CCDC138: variants seen among roughly 807,000 people sequenced by gnomAD.
CCDC138 encodes coiled-coil domain-containing protein 138.
In CCDC138, 66 loss-of-function variants were observed where a neutral mutation model predicts 82.3. The observed-to-expected ratio is 0.80, with a 90% CI of 0.66 to 0.98. The LOEUF (loss-of-function observed/expected upper bound fraction) is 0.98. Among genes scored for constraint, CCDC138 ranks in the 50% least tolerant of loss-of-function variants. The pLI is 0.00. For missense variants in CCDC138, 816 were observed against 758.9 expected (o/e 1.08, Z -0.88); for synonymous variants, 297 against 265.4 (o/e 1.12, Z -1.16).
In CCDC138 at chr2:108,796,090, C is replaced by T. The variant is rs186115999; in HGVS notation, c.576+1369C>T. ...TTTGAGACGGAGTCTCACTCTGTGC[C>T]CAGGCTGGAGTGCAGTGGCGCAATC... On this transcript the variant is annotated intron_variant, in intron 5 of 14. Transcript: ENST00000295124. Among the ~76,000 whole-genome samples, 181 of 152,210 alleles carry T rather than the reference C, an allele frequency of 1.2e-3. 1 individual carries two copies. The highest frequency in any genetic ancestry group is 4.2e-3 in the African/African-American group (173 of 41,526).
intron 10 of CCDC138, among the ~76,000 whole-genome samples, chr2:108,835,942 G>A (rs568997709): frequency 2.5e-4 from 38 of 152,128 alleles, no homozygotes; most frequent in Non-Finnish European, 5.1e-4. Flanking sequence ...CAGGATGAAC[G>A]TTGTGTGCCC....
At position 108,839,179 on chromosome 2, in the gene CCDC138, C is replaced by A; in HGVS notation, c.1207-6C>A. ...TTGTATTTATTTTCCATCATTTTAT[C>A]TTTAGCTTTTGCCTCTAATGACAGA... is the stretch of plus-strand genomic sequence containing the variant. On this transcript the variant is annotated splice_region_variant and splice_polypyrimidine_tract_variant and intron_variant, in intron 10 of 14. Coordinates refer to ENST00000295124, the MANE Select transcript of CCDC138 (RefSeq NM_144978.3). The A allele has an allele frequency of 6.3e-7, 1 of 1,597,258 alleles. No homozygotes were observed. The highest frequency in any genetic ancestry group is 8.5e-7 in the Non-Finnish European group (1 of 1,172,540).
chr2:108,804,712 G>C (rs1425239412), intron 6 of CCDC138, 177 bp from the exon 7 acceptor site: 1 of 174,902 alleles, frequency 5.7e-6, no homozygotes, highest in Non-Finnish European at 1.1e-5. Flanking sequence ...TTGTTATCTT[G>C]GTAGATTGCA....
chr2:108,795,526 C>T (rs1349475357), intron 5 of CCDC138, among the ~76,000 whole-genome samples: 1 of 152,170 alleles, frequency 6.6e-6, no homozygotes, highest in Non-Finnish European at 1.5e-5. Flanking sequence ...ATGTAATGCG[C>T]AGTATCTGTT....
chr2:108,811,350 C>T (rs1291121416), intron 7 of CCDC138, among the ~76,000 whole-genome samples: 5 of 145,022 alleles, frequency 3.4e-5, no homozygotes, highest in South Asian at 2.3e-4. Context: ...GCTTAAACCA[C>T]GCTTCTGCTT....
Position 108,876,152 on chromosome 2 carries a change from A to G in CCDC138, c.1897A>G (p.Thr633Ala), listed in dbSNP as rs371895720. 3.0e-5 allele frequency: 48 copies of G among 1,612,042 alleles called. No homozygotes were observed. Among genetic ancestry groups the G allele is most frequent in the Non-Finnish European group, 4.1e-5 (48 of 1,178,374 alleles). The change falls in exon 15 of 15, where the codon ACA becomes GCA. Residue 633 changes from threonine (T) to alanine (A), a missense_variant. Coordinates refer to ENST00000295124, the MANE Select transcript of CCDC138 (RefSeq NM_144978.3). ...HLMLQEIQRTTNPEHAFLCIN... is the reference protein window; with the variant it reads ...HLMLQEIQRTANPEHAFLCIN... Reference sequence around the variant, plus strand: ...GATGCTTCAAGAAATACAAAGGACAACAAACCCAGAGCATGCATTTCTCTG... The same window carrying G: ...GATGCTTCAAGAAATACAAAGGACAGCAAACCCAGAGCATGCATTTCTCTG...
intron 13 of CCDC138, among the ~76,000 whole-genome samples, chr2:108,868,041 C>T (rs888289020): frequency 1.1e-4 from 16 of 152,124 alleles, no homozygotes; most frequent in Non-Finnish European, 2.4e-4. Context: ...AGTCAGTTAT[C>T]GACAGGCTGA....
At chr2:108,821,551 A>G (rs895235568) in intron 10 of CCDC138, among the ~76,000 whole-genome samples, 1 of 152,234 alleles carries the variant, frequency 6.6e-6, no homozygotes, top group Non-Finnish European at 1.5e-5. Context: ...TAAGTGTGTA[A>G]CACACACAAA....
intron 6 of CCDC138, among the ~76,000 whole-genome samples, chr2:108,800,999 T>A (rs1306886212): frequency 5.4e-5 from 3 of 56,002 alleles, no homozygotes; most frequent in Admixed American, 2.3e-4. Flanking sequence ...GGTATATATG[T>A]GCCACATTTT....
chr2:108,854,648 C>G (rs1692308003), intron 12 of CCDC138, among the ~76,000 whole-genome samples: 1 of 152,136 alleles, frequency 6.6e-6, no homozygotes, highest in South Asian at 2.1e-4. Flanking sequence ...TATTTACCAG[C>G]TCACAATTCT....
At chr2:108,875,372 A>G (rs989610310) in intron 14 of CCDC138, among the ~76,000 whole-genome samples, 2 of 151,788 alleles carry the variant, frequency 1.3e-5, no homozygotes, top group African/African-American at 4.8e-5. Context: ...GAAATTACTG[A>G]CAGGTTATTA....
At chr2:108,867,043 T>C (rs1320958638) in intron 13 of CCDC138, among the ~76,000 whole-genome samples, 1 of 152,134 alleles carries the variant, frequency 6.6e-6, no homozygotes, top group Non-Finnish European at 1.5e-5. Context: ...AAAGGGGAAT[T>C]ATAAAATATT....
chr2:108,882,132 C>G (rs1192538907), intron 1 of CCDC138: 1 of 142,274 alleles, frequency 7.0e-6, no homozygotes, highest in African/African-American at 2.6e-5. Context: ...CCGGTCTGGG[C>G]AACAGAGTGA....
At chr2:108,867,030 A>G (rs1300250458) in intron 13 of CCDC138, among the ~76,000 whole-genome samples, 1 of 152,156 alleles carries the variant, frequency 6.6e-6, no homozygotes, top group African/African-American at 2.4e-5. Flanking sequence ...TTTTAGGTTA[A>G]TTAAAGGGGA....
At chr2:108,835,916 G>A (rs1390478677) in intron 10 of CCDC138, among the ~76,000 whole-genome samples, 1 of 152,122 alleles carries the variant, frequency 6.6e-6, no homozygotes, top group East Asian at 1.9e-4. Context: ...CATGGCACAG[G>A]GCAGAAGAGC....
chr2:108,814,394 T>C (rs2149878249), intron 9 of CCDC138, among the ~76,000 whole-genome samples: 1 of 152,210 alleles, frequency 6.6e-6, no homozygotes, highest in South Asian at 2.1e-4. Context: ...ATTGAGAAAA[T>C]TGGAGTAAAT....
chr2:108,805,123 AT>A, intron 7 of CCDC138, 115 bp downstream of exon 7: 1 of 452,776 alleles, frequency 2.2e-6, no homozygotes, highest in Non-Finnish European at 3.7e-6. Context: ...TTTGGATTAC[AT>A]TTGTTAGCTT....
intron 10 of CCDC138, among the ~76,000 whole-genome samples, chr2:108,825,624 A>G (rs1686442953): frequency 1.3e-5 from 2 of 152,162 alleles, no homozygotes; most frequent in African/African-American, 4.8e-5. Flanking sequence ...ATGTTGTCAC[A>G]TGTGTCAATA....
intron 12 of CCDC138, among the ~76,000 whole-genome samples, chr2:108,853,877 TAATATA>T (rs1691984428): frequency 8.0e-6 from 1 of 125,054 alleles, no homozygotes; most frequent in Non-Finnish European, 1.6e-5. Context: ...ATATACTATA[TAATATA>T]TTATATAGTA....
Sources: gnomAD v4.1 joint callset for allele counts (sites outside exome capture counted in the v4.1 genomes callset) on GRCh38, gnomAD v4.1.1 for gene constraint, MANE v1.5 for transcripts, NCBI Gene and HGNC (gene_info 2026-07-23, HGNC 2026-07-21) for gene names.